TPO: variants seen among roughly 807,000 people sequenced by gnomAD.
The protein encoded by TPO is thyroid peroxidase.
A neutral mutation model predicts 96.9 loss-of-function variants in TPO; 78 were observed. That is an observed-to-expected ratio of 0.81 (90% CI 0.67 to 0.97). The LOEUF (loss-of-function observed/expected upper bound fraction) is 0.97. TPO is among the 50% of genes least tolerant of loss of function. TPO has a pLI of 0.00. For missense variants in TPO, 1,252 were observed against 1,274.8 expected (o/e 0.98, Z 0.27); for synonymous variants, 547 against 538.0 (o/e 1.02, Z -0.23).
At chr2:1,487,234 G>A (rs1344877313) in intron 9 of TPO, among the ~76,000 whole-genome samples, 2 of 150,766 alleles carry the variant, frequency 1.3e-5, no homozygotes, top group African/African-American at 4.9e-5. Context: ...TTCTGTTGCT[G>A]AGAAATAAAA....
chr2:1,437,649 G>C (rs927560183), intron 5 of TPO, among the ~76,000 whole-genome samples: 5 of 152,242 alleles, frequency 3.3e-5, no homozygotes, highest in Admixed American at 3.3e-4. Flanking sequence ...AGGGCAGTTT[G>C]TTTCAATTCT....
At chr2:1,498,503 A>G (rs10172186) in intron 13 of TPO, among the ~76,000 whole-genome samples, 7,059 of 152,288 alleles carry the variant, frequency 0.046, 576 homozygotes, top group African/African-American at 0.16. Flanking sequence ...GGGTGTCATC[A>G]CTGGAAACCA....
intron 5 of TPO, among the ~76,000 whole-genome samples, chr2:1,446,042 A>T (rs1558295743): frequency 6.6e-6 from 1 of 152,164 alleles, no homozygotes; most frequent in Non-Finnish European, 1.5e-5. Context: ...AAATTGGGGT[A>T]CGACTTATGC....
At chr2:1,459,377 C>T (rs1413681138) in intron 7 of TPO, among the ~76,000 whole-genome samples, 3 of 152,106 alleles carry the variant, frequency 2.0e-5, no homozygotes, top group African/African-American at 7.2e-5. Flanking sequence ...GTCTCGAACT[C>T]CTGACCTTGG....
At chr2:1,512,419 G>A in intron 14 of TPO, 1 of 985,446 alleles carries the variant, frequency 1.0e-6, no homozygotes, top group Non-Finnish European at 1.2e-6. Flanking sequence ...GCGTCCGAGA[G>A]AGCCCCTGAG....
chr2:1,401,565 C>T (rs934998503), intron 1 of TPO, among the ~76,000 whole-genome samples: 1 of 152,136 alleles, frequency 6.6e-6, no homozygotes, highest in Non-Finnish European at 1.5e-5. Flanking sequence ...CCCAGCCAGG[C>T]CAGCTACAGC....
chr2:1,496,344 GC>G, intron 12 of TPO, 147 bp downstream of exon 12: 2 of 960,408 alleles, frequency 2.1e-6, no homozygotes, highest in Non-Finnish European at 3.1e-6. Context: ...AGCTCCTGGG[GC>G]GGGGCGGGGC....
chr2:1,405,078 A>G (rs1662229452), intron 1 of TPO, among the ~76,000 whole-genome samples: 1 of 95,368 alleles, frequency 1.0e-5, no homozygotes, highest in Non-Finnish European at 1.9e-5. Context: ...ACATCGAGTC[A>G]TCCATCGGCC....
intron 15 of TPO, among the ~76,000 whole-genome samples, chr2:1,525,810 G>A (rs1289705673): frequency 1.5e-5 from 2 of 131,894 alleles, no homozygotes; most frequent in East Asian, 4.8e-4. Flanking sequence ...AAATTTCCCC[G>A]TGTGCAACCT....
chr2:1,530,184 C>A (rs371440452), intron 15 of TPO, among the ~76,000 whole-genome samples: 8 of 36,488 alleles, frequency 2.2e-4, no homozygotes, highest in African/African-American at 5.8e-4. Flanking sequence ...CCCACTGTGT[C>A]CAACCTCCCC....
At chr2:1,522,207 CCCG>C (rs1488688333) in intron 15 of TPO, among the ~76,000 whole-genome samples, 11 of 147,246 alleles carry the variant, frequency 7.5e-5, no homozygotes, top group African/African-American at 2.0e-4. Flanking sequence ...CCCACACCGG[CCCG>C]CCACCGTGCC....
intron 10 of TPO, among the ~76,000 whole-genome samples, chr2:1,490,579 C>A (rs1025018961): frequency 2.0e-5 from 3 of 152,188 alleles, no homozygotes; most frequent in Non-Finnish European, 4.4e-5. Flanking sequence ...TATACCCCAG[C>A]CACCGTAGAA....
upstream of TPO, among the ~76,000 whole-genome samples, chr2:1,413,091 C>G (rs1472269523): frequency 1.3e-5 from 2 of 152,098 alleles, no homozygotes; most frequent in African/African-American, 4.8e-5. Context: ...ATCGGTGGGC[C>G]TGGGAGCTGC....
intron 5 of TPO, among the ~76,000 whole-genome samples, chr2:1,436,847 G>A (rs549605535): frequency 1.8e-4 from 28 of 152,266 alleles, no homozygotes; most frequent in Admixed American, 3.9e-4. Context: ...TCCCCTCACT[G>A]GTTCTCCTAA....
intron 4 of TPO, 114 bp from the exon 5 acceptor site, chr2:1,436,138 T>A: frequency 6.5e-7 from 1 of 1,537,200 alleles, no homozygotes; most frequent in Non-Finnish European, 8.9e-7. Context: ...TGACCCCAGT[T>A]ACATATGAAT....
chr2:1,542,960 T>TGATTCTGAGGGAGAG lies in TPO; in HGVS notation c.*488_*502dup. ...TGCAGGGCCGGTGGGAGGAGGAAAG[T>TGATTCTGAGGGAGAG]GATTCTGAGGGAGAGGCTGGAGCCT... is the stretch of plus-strand genomic sequence containing the variant. On this transcript the variant is annotated 3_prime_UTR_variant, in exon 17 of 17. Coordinates refer to ENST00000329066, the MANE Select transcript of TPO (RefSeq NM_001206744.2). The TGATTCTGAGGGAGAG allele has an allele frequency of 4.1e-6, 1 of 240,972 alleles. No individual in the cohort carries two copies. Among genetic ancestry groups the TGATTCTGAGGGAGAG allele is most frequent in the Non-Finnish European group, 8.2e-6 (1 of 122,026 alleles). 14.9% of individuals were successfully genotyped at this position (240,972 alleles called of 1,614,324 possible).
intron 1 of TPO, among the ~76,000 whole-genome samples, chr2:1,386,494 T>C (rs1661897184): frequency 6.6e-6 from 1 of 152,232 alleles, no homozygotes; most frequent in African/African-American, 2.4e-5. Context: ...TTGATCTTTG[T>C]TGGTTTAAAG....
At position 1,423,172 on chromosome 2, in the gene TPO, G is replaced by A. The variant is rs1558265999; in HGVS notation, c.179+43G>A. On this transcript the variant is annotated intron_variant, in intron 3 of 16. Coordinates refer to ENST00000329066, the MANE Select transcript of TPO (RefSeq NM_001206744.2). Reference sequence around the variant, plus strand: ...GCCGCCGCCCCAAATGCCACCGACAGGCGCATCCTCCCTGACATCCACACA... The same window carrying A: ...GCCGCCGCCCCAAATGCCACCGACAAGCGCATCCTCCCTGACATCCACACA... 10 of 1,587,772 alleles carry A rather than the reference G, an allele frequency of 6.3e-6. No individual in the cohort carries two copies. In the Admixed American group the frequency reaches 1.0e-4, roughly 16 times the overall value.
chr2:1,375,762 C>T (rs1661712746), intron 1 of TPO, among the ~76,000 whole-genome samples: 1 of 152,092 alleles, frequency 6.6e-6, no homozygotes, highest in African/African-American at 2.4e-5. Context: ...CCTGAGCACC[C>T]TCATTTCCAA....
Sources: allele counts gnomAD v4.1 joint callset (sites outside exome capture counted in the v4.1 genomes callset), GRCh38; gene constraint gnomAD v4.1.1; transcripts MANE v1.5; gene names NCBI Gene and HGNC (gene_info 2026-07-23, HGNC 2026-07-21).